CDH7: variants seen among roughly 807,000 people sequenced by gnomAD.
CDH7 encodes cadherin-7.
A neutral mutation model predicts 71.8 loss-of-function variants in CDH7; 25 were observed. The ratio of observed to expected loss-of-function variants is 0.35; its 90% CI spans 0.25 to 0.49. The LOEUF is 0.49. Among genes scored for constraint, CDH7 ranks in the 20% least tolerant of loss-of-function variants. The pLI is 0.99. For missense variants in CDH7, 862 were observed against 974.6 expected, an observed-to-expected ratio of 0.88 and a Z score of 1.54; for synonymous variants, 381 against 363.8, an observed-to-expected ratio of 1.05 and a Z score of -0.54.
chr18:65,812,847 A>C (rs1188367440), intron 3 of CDH7, among the ~76,000 whole-genome samples: 3 of 152,264 alleles, frequency 2.0e-5, no homozygotes, highest in African/African-American at 7.2e-5. Flanking sequence ...GTTGGAAAAT[A>C]ATGCTTAGGC....
At position 65,751,016 on chromosome 18, in the gene CDH7, T is replaced by G. The variant is rs1368271463; in HGVS notation, c.-331T>G. Reference sequence around the variant, plus strand: ...GGGTGTCGAGCCGGTTCCTCCAGTCTGCCCCGCGCGCGGAGCTGCGCGCAC... The same window carrying G: ...GGGTGTCGAGCCGGTTCCTCCAGTCGGCCCCGCGCGCGGAGCTGCGCGCAC... On this transcript the variant is annotated 5_prime_UTR_variant, in exon 1 of 12. Coordinates refer to ENST00000397968, the MANE Select transcript of CDH7 (RefSeq NM_004361.5). 1.3e-5 allele frequency: 2 copies of G among 152,254 alleles called. No individual in the cohort carries two copies. The highest frequency in any genetic ancestry group is 2.0e-4 in the East Asian group (1 of 5,106). The allele number at this position is 152,254 out of a possible 1,614,324, so 9.4% of individuals were successfully genotyped here.
chr18:65,852,532 G>A (rs1011994390), intron 7 of CDH7, among the ~76,000 whole-genome samples: 11 of 152,066 alleles, frequency 7.2e-5, no homozygotes, highest in African/African-American at 2.7e-4. Flanking sequence ...CATTGTGTTT[G>A]TGCCCCAGGT....
chr18:65,806,441 T>C (rs1911325480), intron 2 of CDH7, among the ~76,000 whole-genome samples: 1 of 152,200 alleles, frequency 6.6e-6, no homozygotes, highest in Non-Finnish European at 1.5e-5. Flanking sequence ...GGTTCACATT[T>C]GCAAGGGTAT....
At chr18:65,858,208 G>T (rs1913433545) in intron 8 of CDH7, among the ~76,000 whole-genome samples, 1 of 151,956 alleles carries the variant, frequency 6.6e-6, no homozygotes, top group South Asian at 2.1e-4. Context: ...CTTTTTTTCT[G>T]ATCATAATTC....
intron 2 of CDH7, among the ~76,000 whole-genome samples, chr18:65,766,969 A>G (rs560957861): frequency 6.9e-6 from 1 of 145,050 alleles, no homozygotes; most frequent in Admixed American, 7.4e-5. Context: ...AGTATTTTTC[A>G]TCTTTCCTAA....
intron 2 of CDH7, among the ~76,000 whole-genome samples, chr18:65,799,743 CAGAA>C (rs1911051812): frequency 6.6e-6 from 1 of 152,086 alleles, no homozygotes. Context: ...TACTTACCCC[CAGAA>C]GCTGTGTGAC....
At chr18:65,843,687 G>C in intron 6 of CDH7, 125 bp from the exon 7 acceptor site, 1 of 752,000 alleles carries the variant, frequency 1.3e-6, no homozygotes, top group Non-Finnish European at 2.0e-6. Context: ...TATTATTTTT[G>C]GATGCTGATG....
intron 4 of CDH7, among the ~76,000 whole-genome samples, chr18:65,817,026 G>A (rs1397599827): frequency 1.3e-5 from 2 of 152,110 alleles, no homozygotes; most frequent in Non-Finnish European, 2.9e-5. Context: ...AACTGAACAT[G>A]CAGGTCCTTT....
At chr18:65,801,936 T>C (rs540098127) in intron 2 of CDH7, among the ~76,000 whole-genome samples, 1 of 152,212 alleles carries the variant, frequency 6.6e-6, no homozygotes, top group Non-Finnish European at 1.5e-5. Flanking sequence ...AAACACCTTA[T>C]GCTATTGGTG....
At chr18:65,764,926 C>T (rs1916309355) in intron 2 of CDH7, among the ~76,000 whole-genome samples, 1 of 151,992 alleles carries the variant, frequency 6.6e-6, no homozygotes, top group East Asian at 1.9e-4. Flanking sequence ...AGAGGTGTGT[C>T]CCTATGTTAC....
At chr18:65,851,741 G>A (rs1034715177) in intron 7 of CDH7, among the ~76,000 whole-genome samples, 24 of 152,244 alleles carry the variant, frequency 1.6e-4, no homozygotes, top group South Asian at 6.2e-4. Context: ...AATTCATCCT[G>A]TAAAACTTTC....
rs1294496974 is a variant in CDH7 at position 65,884,526 on chromosome 18, A to G, written c.*3632A>G. 1.3e-5 allele frequency: 2 copies of G among 152,208 alleles called. No individual in the cohort carries two copies. The highest frequency in any genetic ancestry group is 1.5e-5 in the Non-Finnish European group (1 of 68,028). The allele number at this position is 152,208 out of a possible 1,614,324, so 9.4% of individuals were successfully genotyped here. A position where few individuals can be genotyped will look rare whatever the true frequency, so the allele number is the denominator to read the frequency against. On this transcript the variant is annotated 3_prime_UTR_variant, in exon 12 of 12. Transcript: ENST00000397968. ...CTCTGAGGAAGTTTTAAATTATTTT[A>G]TCTTCATGCACAATTACATTTACTA...
chr18:65,856,238 A>T (rs542144804), intron 7 of CDH7, among the ~76,000 whole-genome samples: 1 of 152,138 alleles, frequency 6.6e-6, no homozygotes, highest in South Asian at 2.1e-4. Context: ...CCCTACAAAC[A>T]CACTTTCAAA....
rs1253858618 is a variant in CDH7 at position 65,883,753 on chromosome 18, A to G, written c.*2859A>G. 1 of 152,146 alleles carries G rather than the reference A, an allele frequency of 6.6e-6. No individual in the cohort carries two copies. The highest frequency in any genetic ancestry group is 2.4e-5 in the African/African-American group (1 of 41,456). 9.4% of individuals were successfully genotyped at this position (152,146 alleles called of 1,614,324 possible). ...TCTACTGCTTAAATTATTTTATAAA[A>G]TGAAATGTCATAATTGTAAATATAG... On this transcript the variant is annotated 3_prime_UTR_variant, in exon 12 of 12. Transcript: ENST00000397968.
At chr18:65,837,400 G>A (rs1912568250) in intron 6 of CDH7, among the ~76,000 whole-genome samples, 1 of 152,124 alleles carries the variant, frequency 6.6e-6, no homozygotes, top group Non-Finnish European at 1.5e-5. Flanking sequence ...GAAAGTAAAT[G>A]TTCTTGTATC....
intron 2 of CDH7, among the ~76,000 whole-genome samples, chr18:65,770,279 T>G (rs1403117617): frequency 6.6e-6 from 1 of 152,178 alleles, no homozygotes; most frequent in Non-Finnish European, 1.5e-5. Context: ...GTTTCACTAA[T>G]ATAGAGGTTA....
chr18:65,862,705 G>A lies in CDH7; in HGVS notation c.1652G>A (p.Arg551Gln), dbSNP rs376241285. The A allele has an allele frequency of 6.4e-5, 103 of 1,613,968 alleles. No individual in the cohort carries two copies. The highest frequency in any genetic ancestry group is 1.6e-4 in the Middle Eastern group (1 of 6,084). ...ATACTGACCAGGAGAAACGGCTTCC[G>A]GAGACAGGAACAATCAGTTTACTAT... ...ASILTRRNGF[R>Q]RQEQSVYYLP... Residue 551 changes from arginine to glutamine, a missense_variant, in exon 11 of 12, where the codon CGG becomes CAG. By Grantham distance (43) the Arg-to-Gln change is conservative. Coordinates refer to ENST00000397968, the MANE Select transcript of CDH7 (RefSeq NM_004361.5).
At chr18:65,796,012 A>G (rs774996802) in intron 2 of CDH7, among the ~76,000 whole-genome samples, 91 of 152,268 alleles carry the variant, frequency 6.0e-4, no homozygotes, top group Admixed American at 3.6e-3. Context: ...GCCATGCAGA[A>G]CTGTGAGTCA....
At chr18:65,807,190 T>A (rs1299996982) in intron 2 of CDH7, among the ~76,000 whole-genome samples, 2 of 152,112 alleles carry the variant, frequency 1.3e-5, no homozygotes, top group African/African-American at 4.8e-5. Flanking sequence ...GCAAGCAGTA[T>A]GAAACTTTTA....
Sources: allele counts gnomAD v4.1 joint callset (sites outside exome capture counted in the v4.1 genomes callset), GRCh38; gene constraint gnomAD v4.1.1; transcripts MANE v1.5; gene names NCBI Gene and HGNC (gene_info 2026-07-23, HGNC 2026-07-21).